UTS2: variants seen among roughly 807,000 people sequenced by gnomAD.
UTS2 encodes urotensin 2.
UTS2 carries 10 observed loss-of-function variants against 12.6 expected under a neutral mutation model. That is an observed-to-expected ratio of 0.80 (90% CI 0.49 to 1.35). The LOEUF is 1.35. Among genes scored for constraint, UTS2 ranks in the 40% most tolerant of loss-of-function variants. UTS2 has a pLI of 0.00. For missense variants in UTS2, 142 were observed against 143.2 expected (o/e 0.99, Z 0.04); for synonymous variants, 52 against 50.0 (o/e 1.04, Z -0.17).
chr1:7,889,999 G>A, the UTS2 span, among the ~76,000 whole-genome samples: 10 of 151,884 alleles, frequency 6.6e-5, no homozygotes, highest in African/African-American at 1.9e-4. Context: ...CCCGGGAGGC[G>A]GATCTTGCAG....
the UTS2 span, among the ~76,000 whole-genome samples, chr1:7,879,587 A>G: frequency 6.6e-6 from 1 of 152,114 alleles, no homozygotes; most frequent in East Asian, 1.9e-4. Flanking sequence ...CTAAAAATAC[A>G]AAAATTAGCT....
At chr1:7,900,881 G>T in the UTS2 span, among the ~76,000 whole-genome samples, 1 of 152,142 alleles carries the variant, frequency 6.6e-6, no homozygotes, top group African/African-American at 2.4e-5. Flanking sequence ...ATACCTAGGA[G>T]AAGATAAACC....
chr1:7,905,673 GC>G, the UTS2 span, among the ~76,000 whole-genome samples: 1 of 152,066 alleles, frequency 6.6e-6, no homozygotes, highest in Non-Finnish European at 1.5e-5. Flanking sequence ...TGGCCTCCAG[GC>G]TTAATACTGC....
the UTS2 span, among the ~76,000 whole-genome samples, chr1:7,909,940 G>C: frequency 6.6e-6 from 1 of 152,130 alleles, no homozygotes; most frequent in Non-Finnish European, 1.5e-5. Flanking sequence ...TGCCACAGAA[G>C]CACACACAGT....
the UTS2 span, among the ~76,000 whole-genome samples, chr1:7,869,858 G>A: frequency 3.3e-5 from 5 of 152,216 alleles, no homozygotes; most frequent in African/African-American, 1.2e-4. Flanking sequence ...TGCCTGAAAG[G>A]CTTCAGCCAG....
the UTS2 span, among the ~76,000 whole-genome samples, chr1:7,887,483 A>G: frequency 6.6e-6 from 1 of 151,266 alleles, no homozygotes; most frequent in Non-Finnish European, 1.5e-5. Flanking sequence ...CTGAGATTCA[A>G]TCTTTGTGGC....
At chr1:7,878,984 C>T in the UTS2 span, among the ~76,000 whole-genome samples, 4 of 151,916 alleles carry the variant, frequency 2.6e-5, no homozygotes, top group Non-Finnish European at 4.4e-5. Context: ...ATATATGCAC[C>T]GAATACCACA....
the UTS2 span, among the ~76,000 whole-genome samples, chr1:7,887,146 T>C: frequency 2.7e-5 from 4 of 147,664 alleles, no homozygotes; most frequent in South Asian, 8.9e-4. Context: ...TACTACCAAG[T>C]GGCATGTGGG....
chr1:7,896,543 T>C, the UTS2 span, among the ~76,000 whole-genome samples: 1 of 152,174 alleles, frequency 6.6e-6, no homozygotes, highest in Admixed American at 6.6e-5. Flanking sequence ...TAAAATGTTA[T>C]TCCATATAGG....
the UTS2 span, among the ~76,000 whole-genome samples, chr1:7,861,387 G>A: frequency 6.6e-6 from 1 of 152,112 alleles, no homozygotes; most frequent in African/African-American, 2.4e-5. Context: ...TTGGAAGTCT[G>A]GTTGGGGTGG....
chr1:7,888,986 C>T, the UTS2 span, among the ~76,000 whole-genome samples: 3 of 151,524 alleles, frequency 2.0e-5, no homozygotes, highest in African/African-American at 4.9e-5. Flanking sequence ...TAAGAGTATG[C>T]GCATAACTCC....
the UTS2 span, among the ~76,000 whole-genome samples, chr1:7,868,830 T>A: frequency 6.6e-6 from 1 of 152,054 alleles, no homozygotes; most frequent in African/African-American, 2.4e-5. Flanking sequence ...TGGGAGGTGA[T>A]TGGAGGTAGA....
chr1:7,849,503 G>T (rs997758834), intron 3 of UTS2, 137 bp downstream of exon 3: 10 of 756,108 alleles, frequency 1.3e-5, no homozygotes, highest in African/African-American at 1.1e-4. Flanking sequence ...GAGCTACCGC[G>T]CCTGGTCATG....
At chr1:7,895,809 T>C in the UTS2 span, among the ~76,000 whole-genome samples, 3 of 151,974 alleles carry the variant, frequency 2.0e-5, no homozygotes, top group Non-Finnish European at 4.4e-5. Context: ...TAAAACTCTA[T>C]TTGAGTGATT....
chr1:7,878,589 T>C, the UTS2 span, among the ~76,000 whole-genome samples: 1 of 152,076 alleles, frequency 6.6e-6, no homozygotes, highest in Non-Finnish European at 1.5e-5. Flanking sequence ...ACCTAAAATG[T>C]ATAGAGCCAT....
chr1:7,904,323 A>T, the UTS2 span, among the ~76,000 whole-genome samples: 6 of 145,294 alleles, frequency 4.1e-5, no homozygotes, highest in Admixed American at 2.0e-4. Context: ...AAAAAAAAAA[A>T]ATAATAAGCT....
At chr1:7,868,234 C>T in the UTS2 span, among the ~76,000 whole-genome samples, 4 of 152,144 alleles carry the variant, frequency 2.6e-5, no homozygotes, top group African/African-American at 9.7e-5. Flanking sequence ...TTTCCAGTTT[C>T]ACAGCAGAGT....
chr1:7,890,852 A>G, the UTS2 span, among the ~76,000 whole-genome samples: 1,019 of 151,872 alleles, frequency 6.7e-3, 9 homozygotes, highest in Non-Finnish European at 0.011. Context: ...CTCAAAAAAA[A>G]AAAAAAAAAA....
At chr1:7,889,459 AAAAAGAAAAGAAAAGATG>A in the UTS2 span, among the ~76,000 whole-genome samples, 1 of 147,100 alleles carries the variant, frequency 6.8e-6, no homozygotes, top group African/African-American at 2.6e-5. Context: ...AAAAAAAAAA[AAAAAGAAAAGAAAAGATG>A]AGAAAAGAAA....
Sources: gnomAD v4.1 joint callset for allele counts (sites outside exome capture counted in the v4.1 genomes callset) on GRCh38, gnomAD v4.1.1 for gene constraint, MANE v1.5 for transcripts, NCBI Gene and HGNC (gene_info 2026-07-23, HGNC 2026-07-21) for gene names.